The following PCDHA12 variants were observed in gnomAD, a reference collection of about 807,000 sequenced individuals.
The protein encoded by PCDHA12 is protocadherin alpha 12, also known as protocadherin alpha-12.
PCDHA12 carries 44 observed loss-of-function variants against 60.0 expected under a neutral mutation model. The ratio of observed to expected loss-of-function variants is 0.73; its 90% confidence interval spans 0.58 to 0.94. PCDHA12 has a LOEUF of 0.94. Ranked by LOEUF, PCDHA12 falls within the 40% of genes least tolerant of loss-of-function variation. The pLI is 0.00. For synonymous variants in PCDHA12, 569 were observed against 553.0 expected (o/e 1.03, Z -0.40); for missense variants, 1,276 against 1,239.7 (o/e 1.03, Z -0.44).
At chr5:140,997,688 G>C (rs1232415745) in intron 3 of PCDHA12, among the ~76,000 whole-genome samples, 1 of 151,990 alleles carries the variant, frequency 6.6e-6, no homozygotes, top group Non-Finnish European at 1.5e-5. Context: ...GTGTGTGTGT[G>C]TGTGTGTGTA....
intron 1 of PCDHA12, among the ~76,000 whole-genome samples, chr5:140,906,729 G>T (rs1444256364): frequency 1.3e-5 from 2 of 152,184 alleles, no homozygotes; most frequent in Admixed American, 1.3e-4. Flanking sequence ...TGCTGTTGTA[G>T]TTTCCCATTG....
intron 1 of PCDHA12, chr5:140,968,408 A>G: frequency 6.2e-7 from 1 of 1,613,980 alleles, no homozygotes; most frequent in Non-Finnish European, 8.5e-7. Flanking sequence ...GTTCTTTGTG[A>G]CTGTGGAGGC....
chr5:140,968,818 T>A, intron 1 of PCDHA12: 1 of 1,614,188 alleles, frequency 6.2e-7, no homozygotes, highest in South Asian at 1.1e-5. Context: ...TGGATAGGGT[T>A]TCCAAAATCC....
intron 3 of PCDHA12, among the ~76,000 whole-genome samples, chr5:140,991,686 A>G (rs2097465682): frequency 6.6e-6 from 1 of 152,196 alleles, no homozygotes; most frequent in Non-Finnish European, 1.5e-5. Context: ...AGTCCTCTCT[A>G]GTAGAGCCAT....
rs1277390291 is a variant in PCDHA12 at position 140,926,661 on chromosome 5, A to T, written c.2367+48822A>T. 7.5e-6 allele frequency: 4 copies of T among 536,378 alleles called. No homozygotes were observed. In the African/African-American group the frequency reaches 7.9e-5, roughly 11 times the overall value. The allele number at this position is 536,378 out of a possible 1,614,324, so 33.2% of individuals were successfully genotyped here. A position where few individuals can be genotyped will look rare whatever the true frequency, so the allele number is the denominator to read the frequency against. On this transcript the variant is annotated intron_variant, in intron 1 of 3. Coordinates refer to ENST00000398631, the MANE Select transcript of PCDHA12 (RefSeq NM_018903.4). ...AACACCCGGCCGGCTCCGCTTTCCC[A>T]GACGGCTGCCCAGCCTCCAGCCTAG...
intron 1 of PCDHA12, among the ~76,000 whole-genome samples, chr5:140,922,557 CA>C (rs1214132732): frequency 3.2e-4 from 49 of 152,258 alleles, no homozygotes; most frequent in African/African-American, 1.1e-3. Context: ...GGAGAAAAGT[CA>C]GGATGACAAG....
At chr5:140,958,746 G>A (rs946339571) in intron 1 of PCDHA12, among the ~76,000 whole-genome samples, 3 of 152,184 alleles carry the variant, frequency 2.0e-5, no homozygotes, top group African/African-American at 7.2e-5. Context: ...AGAGAGAAAG[G>A]AGATTTTTAC....
chr5:140,916,090 G>A (rs1464191226), intron 1 of PCDHA12, among the ~76,000 whole-genome samples: 1 of 152,160 alleles, frequency 6.6e-6, no homozygotes, highest in African/African-American at 2.4e-5. Context: ...TGGTCCACAG[G>A]GAATCTGCCT....
chr5:140,928,792 G>T (rs1190569981), intron 1 of PCDHA12: 1 of 1,614,048 alleles, frequency 6.2e-7, no homozygotes, highest in African/African-American at 1.3e-5. Context: ...TAAGCAGAGG[G>T]TGGTGGTAGT....
At chr5:140,894,259 T>A (rs2064392118) in intron 1 of PCDHA12, among the ~76,000 whole-genome samples, 1 of 152,106 alleles carries the variant, frequency 6.6e-6, no homozygotes. Context: ...TCTTTACAAG[T>A]GGTAGCTTAT....
intron 1 of PCDHA12, among the ~76,000 whole-genome samples, chr5:140,888,383 C>T (rs1279773489): frequency 3.9e-5 from 6 of 152,170 alleles, no homozygotes; most frequent in African/African-American, 1.4e-4. Flanking sequence ...CTCTGAGATG[C>T]TGCTAAACAC....
chr5:140,958,162 C>A lies in PCDHA12; in HGVS notation c.2368-20787C>A, dbSNP rs574337485. Among the ~76,000 whole-genome samples the A allele has an allele frequency of 1.1e-4, 16 of 152,028 alleles. No homozygotes were observed. The South Asian group carries it at 3.3e-3, about 32-fold the overall frequency. Reference sequence around the variant, plus strand: ...ATATTTATATAGCATAGTCAAAAGCCTGGAGTGATATAAATTTTCTGTTAC... The same window carrying A: ...ATATTTATATAGCATAGTCAAAAGCATGGAGTGATATAAATTTTCTGTTAC... On this transcript the variant is annotated intron_variant, in intron 1 of 3. Coordinates refer to ENST00000398631, the MANE Select transcript of PCDHA12 (RefSeq NM_018903.4).
At chr5:140,984,533 T>C (rs1477702565) in intron 3 of PCDHA12, among the ~76,000 whole-genome samples, 1 of 152,216 alleles carries the variant, frequency 6.6e-6, no homozygotes, top group African/African-American at 2.4e-5. Context: ...CTTCATGGAC[T>C]GTGCTGGATA....
intron 3 of PCDHA12, among the ~76,000 whole-genome samples, chr5:140,985,928 C>G (rs1001132600): frequency 9.9e-5 from 15 of 151,534 alleles, no homozygotes; most frequent in Non-Finnish European, 1.3e-4. Context: ...TTTAGTAGAG[C>G]CGGGGTTTCA....
intron 1 of PCDHA12, among the ~76,000 whole-genome samples, chr5:140,940,877 T>G (rs2092697297): frequency 2.0e-5 from 3 of 152,378 alleles, no homozygotes; most frequent in East Asian, 3.9e-4. Flanking sequence ...GAGTGAATAC[T>G]ACTGCTAGTA....
At chr5:140,941,214 C>CTTTCTTTCTTTCTTTTT (rs1554214039) in intron 1 of PCDHA12, among the ~76,000 whole-genome samples, 1 of 122,414 alleles carries the variant, frequency 8.2e-6, no homozygotes, top group East Asian at 2.3e-4. Context: ...TTTCTTTCTT[C>CTTTCTTTCTTTCTTTTT]CTTTCTTTCT....
At chr5:140,975,933 AG>A (rs1216240117) in intron 1 of PCDHA12, among the ~76,000 whole-genome samples, 1 of 152,194 alleles carries the variant, frequency 6.6e-6, no homozygotes, top group Non-Finnish European at 1.5e-5. Flanking sequence ...TAACCTTTGA[AG>A]CAATAGGACA....
In PCDHA12 at chr5:140,882,469, G is replaced by C; in HGVS notation, c.2367+4630G>C. Reference sequence around the variant, plus strand: ...TGGTGCCGCGCCTGTTCCGGGTGGCGTCCAAAAGACACGGGGACCTTCTGG... The same window carrying C: ...TGGTGCCGCGCCTGTTCCGGGTGGCCTCCAAAAGACACGGGGACCTTCTGG... On this transcript the variant is annotated intron_variant, in intron 1 of 3. Coordinates refer to ENST00000398631, the MANE Select transcript of PCDHA12 (RefSeq NM_018903.4). The C allele has an allele frequency of 1.2e-6, 2 of 1,614,032 alleles. 1 individual carries two copies. Among genetic ancestry groups the C allele is most frequent in the South Asian group, 2.2e-5 (2 of 91,072 alleles).
intron 1 of PCDHA12, among the ~76,000 whole-genome samples, chr5:140,878,596 G>A (rs1352519824): frequency 6.6e-6 from 1 of 152,144 alleles, no homozygotes; most frequent in South Asian, 2.1e-4. Context: ...CTATTACCAA[G>A]TGAATCTTCT....
Sources: allele counts gnomAD v4.1 joint callset (sites outside exome capture counted in the v4.1 genomes callset), GRCh38; gene constraint gnomAD v4.1.1; transcripts MANE v1.5; gene names NCBI Gene and HGNC (gene_info 2026-07-23, HGNC 2026-07-21).